The following LCLAT1 variants were observed in gnomAD, a reference collection of about 807,000 sequenced individuals.
LCLAT1 encodes the protein lysocardiolipin acyltransferase 1.
In LCLAT1, 11 loss-of-function variants were observed where a neutral mutation model predicts 30.7. That is an observed-to-expected ratio of 0.36 (90% CI 0.23 to 0.59). The LOEUF is 0.59. Among genes scored for constraint, LCLAT1 ranks in the 20% least tolerant of loss-of-function variants. The pLI is 0.77. For synonymous variants in LCLAT1, 155 were observed against 151.3 expected (o/e 1.02, Z -0.18); for missense variants, 402 against 458.6 (o/e 0.88, Z 1.13).
intron 1 of LCLAT1, among the ~76,000 whole-genome samples, chr2:30,504,081 CGTGT>C (rs10632288): frequency 6.6e-6 from 1 of 150,794 alleles, no homozygotes; most frequent in African/African-American, 2.4e-5. Flanking sequence ...AAGGGACTTA[CGTGT>C]GTGTGTGTGT....
chr2:30,530,699 CA>C, intron 2 of LCLAT1, among the ~76,000 whole-genome samples: 1 of 152,166 alleles, frequency 6.6e-6, no homozygotes, highest in East Asian at 1.9e-4. Context: ...GCATGTTCCA[CA>C]ATGCCTGGCC....
At chr2:30,594,401 C>T (rs1001998146) in intron 5 of LCLAT1, among the ~76,000 whole-genome samples, 1 of 152,142 alleles carries the variant, frequency 6.6e-6, no homozygotes, top group East Asian at 1.9e-4. Flanking sequence ...ATTCTACTTC[C>T]TTTATCAAGT....
At chr2:30,552,884 A>C (rs1001682050) in intron 3 of LCLAT1, among the ~76,000 whole-genome samples, 1 of 152,220 alleles carries the variant, frequency 6.6e-6, no homozygotes, top group Non-Finnish European at 1.5e-5. Context: ...ATTCTCATTT[A>C]ATAGAGGCCT....
At chr2:30,593,400 T>C (rs1196753766) in intron 5 of LCLAT1, among the ~76,000 whole-genome samples, 1 of 152,234 alleles carries the variant, frequency 6.6e-6, no homozygotes, top group African/African-American at 2.4e-5. Context: ...GACATACTGA[T>C]TGATCTATGC....
chr2:30,629,660 G>C (rs148922353), intron 5 of LCLAT1, among the ~76,000 whole-genome samples: 1 of 152,304 alleles, frequency 6.6e-6, no homozygotes, highest in East Asian at 1.9e-4. Context: ...TACATTTTTG[G>C]TGTGCATTTA....
chr2:30,638,310 A>G (rs1010652350), intron 5 of LCLAT1, among the ~76,000 whole-genome samples: 4 of 152,238 alleles, frequency 2.6e-5, no homozygotes, highest in Non-Finnish European at 5.9e-5. Context: ...AAATGTAAAG[A>G]GTGAAATGTG....
At chr2:30,558,748 A>G (rs1346708697) in intron 3 of LCLAT1, among the ~76,000 whole-genome samples, 2 of 152,204 alleles carry the variant, frequency 1.3e-5, no homozygotes, top group African/African-American at 4.8e-5. Flanking sequence ...GAACGATCAT[A>G]CATTTTCAGT....
At chr2:30,501,534 G>C (rs1300349748) in intron 1 of LCLAT1, among the ~76,000 whole-genome samples, 1 of 152,084 alleles carries the variant, frequency 6.6e-6, no homozygotes, top group East Asian at 1.9e-4. Context: ...AATTAGTTGG[G>C]CATGGTGCCC....
intron 5 of LCLAT1, among the ~76,000 whole-genome samples, chr2:30,576,184 C>T (rs1221600009): frequency 6.6e-6 from 1 of 152,078 alleles, no homozygotes; most frequent in Non-Finnish European, 1.5e-5. Context: ...TAACTGTGAC[C>T]TTTACAAAAT....
chr2:30,593,757 C>T (rs1666797106), intron 5 of LCLAT1, among the ~76,000 whole-genome samples: 1 of 151,680 alleles, frequency 6.6e-6, no homozygotes, highest in Non-Finnish European at 1.5e-5. Flanking sequence ...TTTTAAATGT[C>T]CTATTCTTGG....
chr2:30,609,042 A>G (rs1667607033), intron 5 of LCLAT1, among the ~76,000 whole-genome samples: 2 of 151,640 alleles, frequency 1.3e-5, no homozygotes, highest in African/African-American at 4.9e-5. Flanking sequence ...TCTGATTACA[A>G]AGGATTTTCA....
chr2:30,469,869 A>G (rs1451440653), intron 1 of LCLAT1, among the ~76,000 whole-genome samples: 5 of 152,190 alleles, frequency 3.3e-5, no homozygotes, highest in South Asian at 2.1e-4. Context: ...CTGAGATTAC[A>G]TGCATGAGCC....
At chr2:30,593,220 G>A (rs1666773543) in intron 5 of LCLAT1, among the ~76,000 whole-genome samples, 1 of 152,136 alleles carries the variant, frequency 6.6e-6, no homozygotes, top group Admixed American at 6.5e-5. Context: ...TTCCATCTAT[G>A]TTGCTGCAAA....
chr2:30,610,214 A>G (rs986674459), intron 5 of LCLAT1, among the ~76,000 whole-genome samples: 16 of 151,978 alleles, frequency 1.1e-4, no homozygotes, highest in African/African-American at 3.1e-4. Flanking sequence ...TTTCCTTAAT[A>G]AACCCTGTGA....
At chr2:30,525,040 T>TAAAA (rs11408146) in intron 1 of LCLAT1, among the ~76,000 whole-genome samples, 1 of 148,718 alleles carries the variant, frequency 6.7e-6, no homozygotes. Flanking sequence ...GGTTTTATGT[T>TAAAA]AAAAAAAAAA....
At chr2:30,480,840 C>A (rs527376538) in intron 1 of LCLAT1, among the ~76,000 whole-genome samples, 3 of 152,206 alleles carry the variant, frequency 2.0e-5, no homozygotes, top group African/African-American at 7.2e-5. Context: ...ATGGTCCTTA[C>A]AACTACAGAA....
intron 1 of LCLAT1, among the ~76,000 whole-genome samples, chr2:30,489,654 A>G (rs1683743021): frequency 6.6e-6 from 1 of 152,188 alleles, no homozygotes; most frequent in Non-Finnish European, 1.5e-5. Flanking sequence ...CCCAGCCCAC[A>G]GTTATCTTAC....
intron 5 of LCLAT1, among the ~76,000 whole-genome samples, chr2:30,577,308 G>C (rs1041571022): frequency 6.6e-6 from 1 of 151,942 alleles, no homozygotes; most frequent in Non-Finnish European, 1.5e-5. Flanking sequence ...TAAATCAGCA[G>C]CCTTCCCCTA....
intron 1 of LCLAT1, among the ~76,000 whole-genome samples, chr2:30,503,143 T>G (rs1409077719): frequency 6.6e-6 from 1 of 152,244 alleles, no homozygotes; most frequent in East Asian, 1.9e-4. Flanking sequence ...GTCATTGCCA[T>G]GGCATTTATA....
Sources: gnomAD v4.1 joint callset for allele counts (sites outside exome capture counted in the v4.1 genomes callset) on GRCh38, gnomAD v4.1.1 for gene constraint, MANE v1.5 for transcripts, NCBI Gene and HGNC (gene_info 2026-07-23, HGNC 2026-07-21) for gene names.